Variants in MAF observed in about 807,000 individuals in gnomAD.
The protein encoded by MAF is transcription factor Maf.
Under a neutral mutation model 22.0 loss-of-function variants are expected in MAF, and 10 were observed. That is an observed-to-expected ratio of 0.45 (90% confidence interval 0.28 to 0.77). MAF has a LOEUF of 0.77. MAF is among the 30% of genes least tolerant of loss of function. The probability of loss-of-function intolerance (pLI) is 0.12; values close to 1 mark genes in which losing one functional copy is unlikely to be tolerated. For synonymous variants in MAF, 337 were observed against 255.8 expected (o/e 1.32, Z -3.03); for missense variants, 544 against 548.4 (o/e 0.99, Z 0.08).
chr16:79,382,387 AG>A, the MAF span, among the ~76,000 whole-genome samples: 1 of 152,238 alleles, frequency 6.6e-6, no homozygotes, highest in Non-Finnish European at 1.5e-5. Context: ...ACTTTCTGGA[AG>A]GATGGAAAAG....
chr16:79,372,166 G>A, the MAF span, among the ~76,000 whole-genome samples: 6 of 150,430 alleles, frequency 4.0e-5, no homozygotes, highest in Admixed American at 2.0e-4. Context: ...GGTTCCAGAT[G>A]GTTTTTTGTT....
the MAF span, among the ~76,000 whole-genome samples, chr16:79,210,190 C>T: frequency 6.6e-6 from 1 of 152,180 alleles, no homozygotes; most frequent in African/African-American, 2.4e-5. Context: ...AGTTTTCAGA[C>T]CAACTCCATT....
chr16:79,211,793 C>A, the MAF span: 10 of 1,614,044 alleles, frequency 6.2e-6, no homozygotes, highest in Non-Finnish European at 7.6e-6. Flanking sequence ...GCCAGTCCGG[C>A]TAAGTGGAGC....
the MAF span, among the ~76,000 whole-genome samples, chr16:79,448,117 G>T: frequency 6.6e-6 from 1 of 152,118 alleles, no homozygotes; most frequent in Non-Finnish European, 1.5e-5. Context: ...CGTTTGAGAG[G>T]TTTGATTCCA....
chr16:79,433,311 GA>G, the MAF span, among the ~76,000 whole-genome samples: 1 of 147,580 alleles, frequency 6.8e-6, no homozygotes, highest in Non-Finnish European at 1.5e-5. Context: ...ACTATGACCA[GA>G]AAAAAAAGAG....
the MAF span, among the ~76,000 whole-genome samples, chr16:79,351,733 G>T: frequency 3.4e-4 from 52 of 152,148 alleles, no homozygotes; most frequent in South Asian, 6.4e-3. Flanking sequence ...CCACTGAGGT[G>T]TGGCAGGAAG....
At chr16:79,560,333 C>T in the MAF span, among the ~76,000 whole-genome samples, 1 of 151,918 alleles carries the variant, frequency 6.6e-6, no homozygotes, top group Non-Finnish European at 1.5e-5. Context: ...GACAGGAAGC[C>T]TGTGTAAGCC....
At chr16:79,304,239 A>T in the MAF span, among the ~76,000 whole-genome samples, 595 of 152,248 alleles carry the variant, frequency 3.9e-3, 5 homozygotes, top group African/African-American at 0.014. Context: ...AGAGACATCA[A>T]TGTCAGCCCG....
chr16:79,358,174 G>A, the MAF span, among the ~76,000 whole-genome samples: 1 of 152,190 alleles, frequency 6.6e-6, no homozygotes, highest in African/African-American at 2.4e-5. Context: ...TAAACTGTTT[G>A]CTTTTCAAAT....
the MAF span, among the ~76,000 whole-genome samples, chr16:79,323,846 T>A: frequency 6.6e-6 from 1 of 152,180 alleles, no homozygotes; most frequent in African/African-American, 2.4e-5. Flanking sequence ...TGATATGACC[T>A]TGGGGGAAAG....
At chr16:79,276,915 G>A in the MAF span, among the ~76,000 whole-genome samples, 1 of 152,136 alleles carries the variant, frequency 6.6e-6, no homozygotes, top group Admixed American at 6.5e-5. Context: ...TCCCATGTCT[G>A]GTGGCGGCGG....
chr16:79,596,989 A>C lies in MAF; in HGVS notation c.1118+1796T>G, dbSNP rs1401866112. On this transcript the variant is annotated intron_variant, in intron 1 of 1. Coordinates refer to ENST00000326043, the MANE Select transcript of MAF (RefSeq NM_005360.5). The stretch of plus-strand genomic sequence containing the variant: ...AAAAACATACATTTTTGAATGTAAA[A>C]TACCCCTACAGATATAAACAGGGGC... The C allele has an allele frequency of 4.7e-6, 5 of 1,053,446 alleles. No individual in the cohort carries two copies. The African/African-American group carries it at 6.6e-5, about 14-fold the overall frequency. The allele number at this position is 1,053,446 out of a possible 1,614,324, so 65.3% of individuals were successfully genotyped here.
At chr16:79,304,829 G>A in the MAF span, among the ~76,000 whole-genome samples, 2 of 152,200 alleles carry the variant, frequency 1.3e-5, no homozygotes, top group African/African-American at 4.8e-5. Flanking sequence ...ATAAATGTGA[G>A]TTGCGTGTTT....
the MAF span, among the ~76,000 whole-genome samples, chr16:79,512,497 C>G: frequency 6.6e-6 from 1 of 152,126 alleles, no homozygotes; most frequent in Non-Finnish European, 1.5e-5. Context: ...AGGCCCATCT[C>G]CAGGTGTCCT....
the MAF span, among the ~76,000 whole-genome samples, chr16:79,427,844 A>AT: frequency 6.6e-5 from 10 of 152,074 alleles, no homozygotes; most frequent in Admixed American, 1.3e-4. Flanking sequence ...AAAGAATCTG[A>AT]TTTTATACAG....
At chr16:79,541,235 G>C in the MAF span, among the ~76,000 whole-genome samples, 11 of 152,146 alleles carry the variant, frequency 7.2e-5, no homozygotes, top group African/African-American at 2.4e-4. Flanking sequence ...GCCACCTCAT[G>C]CGTTTACAGC....
chr16:79,321,645 CTTTTTTTTT>C, the MAF span, among the ~76,000 whole-genome samples: 7 of 86,970 alleles, frequency 8.0e-5, no homozygotes, highest in Non-Finnish European at 4.6e-5. Context: ...TTTTCTTTTT[CTTTTTTTTT>C]TTTTTTTTTT....
chr16:79,225,132 C>A, the MAF span, among the ~76,000 whole-genome samples: 8 of 152,156 alleles, frequency 5.3e-5, no homozygotes, highest in Non-Finnish European at 7.3e-5. Context: ...GCTACAATAA[C>A]TAAAAAGCAT....
At chr16:79,549,275 C>G in the MAF span, among the ~76,000 whole-genome samples, 1 of 152,142 alleles carries the variant, frequency 6.6e-6, no homozygotes, top group Non-Finnish European at 1.5e-5. Context: ...GCTCATTGAG[C>G]AGAACAGCCC....
Sources: allele counts gnomAD v4.1 joint callset (sites outside exome capture counted in the v4.1 genomes callset), GRCh38; gene constraint gnomAD v4.1.1; transcripts MANE v1.5; gene names NCBI Gene and HGNC (gene_info 2026-07-23, HGNC 2026-07-21).